DNAH7: variants seen among roughly 807,000 people sequenced by gnomAD.
The protein encoded by DNAH7 is dynein axonemal heavy chain 7, also known as axonemal beta dynein heavy chain 7.
DNAH7 carries 397 observed loss-of-function variants against 444.6 expected under a neutral mutation model. The ratio of observed to expected loss-of-function variants is 0.89; its 90% CI spans 0.82 to 0.97. DNAH7 has a LOEUF of 0.97. Among genes scored for constraint, DNAH7 ranks in the 50% least tolerant of loss-of-function variants. The pLI is 0.00. For missense variants in DNAH7, 4,902 were observed against 4,800.8 expected, an observed-to-expected ratio of 1.02 and a Z score of -0.62; for synonymous variants, 1,636 against 1,624.4, an observed-to-expected ratio of 1.01 and a Z score of -0.17.
intron 10 of DNAH7, among the ~76,000 whole-genome samples, chr2:196,002,990 G>A (rs111558898): frequency 3.3e-5 from 5 of 150,118 alleles, no homozygotes; most frequent in African/African-American, 4.9e-5. Flanking sequence ...CCTGGGTGAC[G>A]AGAGTGAAAC....
At chr2:195,772,227 A>G (rs1356093266) in intron 60 of DNAH7, among the ~76,000 whole-genome samples, 1 of 152,198 alleles carries the variant, frequency 6.6e-6, no homozygotes, top group East Asian at 1.9e-4. Context: ...GCACTGGTGG[A>G]GTGGCCAAGC....
chr2:195,946,186 T>C (rs762084388), intron 19 of DNAH7, among the ~76,000 whole-genome samples: 5 of 152,128 alleles, frequency 3.3e-5, no homozygotes, highest in Non-Finnish European at 5.9e-5. Context: ...GGAAGATGAA[T>C]TGTGCCCTTC....
intron 15 of DNAH7, among the ~76,000 whole-genome samples, chr2:195,977,808 A>C (rs774015352): frequency 1.7e-4 from 26 of 152,212 alleles, no homozygotes; most frequent in Admixed American, 3.3e-4. Flanking sequence ...CTTTTCAGTG[A>C]GAACCTTACC....
At chr2:195,827,825 C>A (rs1488462156) in intron 48 of DNAH7, among the ~76,000 whole-genome samples, 3 of 152,082 alleles carry the variant, frequency 2.0e-5, no homozygotes, top group African/African-American at 4.8e-5. Flanking sequence ...AATCCTCTTA[C>A]CTCAGACTCC....
At chr2:196,057,483 A>G (rs908527188) in intron 2 of DNAH7, among the ~76,000 whole-genome samples, 2 of 150,806 alleles carry the variant, frequency 1.3e-5, no homozygotes, top group Non-Finnish European at 3.0e-5. Flanking sequence ...TTGCAGAACT[A>G]AAAAAAATGC....
chr2:195,750,064 A>G (rs1021964982), intron 63 of DNAH7, among the ~76,000 whole-genome samples: 1 of 152,198 alleles, frequency 6.6e-6, no homozygotes, highest in Non-Finnish European at 1.5e-5. Flanking sequence ...TCAGTAAAAC[A>G]GTTTAATTAG....
intron 30 of DNAH7, 65 bp from the exon 31 acceptor site, chr2:195,891,869 T>C (rs1197268171): frequency 2.3e-5 from 29 of 1,285,634 alleles, no homozygotes; most frequent in East Asian, 1.9e-4. Context: ...GAAAACATTA[T>C]TGCACATACA....
chr2:195,751,896 G>A (rs1221369679), intron 63 of DNAH7, among the ~76,000 whole-genome samples: 1 of 152,170 alleles, frequency 6.6e-6, no homozygotes, highest in Admixed American at 6.6e-5. Flanking sequence ...AAAGTTCTGT[G>A]GCTTCTATAC....
Position 195,794,418 on chromosome 2 carries a change from C to T in DNAH7, c.10636G>A (p.Gly3546Ser), listed in dbSNP as rs1286638987. Residue 3546 changes from glycine (G) to serine (S), a missense_variant, in exon 57 of 65, where the codon GGT becomes AGT. Gly to Ser is a moderately conservative substitution (Grantham distance 56). Transcript: ENST00000312428. ...GATCGAATGATATTAGCCCGTAAACCTTTTGGTGCTTCATTGGTCATTTTC... is the reference window on the plus strand; with the variant it reads ...GATCGAATGATATTAGCCCGTAAACTTTTTGGTGCTTCATTGGTCATTTTC... ...GVKMTNEAPK[G>S]LRANIIRSYL... 6.2e-7 allele frequency: 1 copy of T among 1,614,124 alleles called. No individual in the cohort carries two copies. The highest frequency in any genetic ancestry group is 8.5e-7 in the Non-Finnish European group (1 of 1,180,014).
intron 51 of DNAH7, 68 bp downstream of exon 51, chr2:195,816,560 A>G: frequency 8.6e-7 from 1 of 1,158,650 alleles, no homozygotes; most frequent in Non-Finnish European, 1.2e-6. Flanking sequence ...ACAACAATAG[A>G]GGTCACAAAT....
At chr2:195,981,426 C>T (rs1410214072) in intron 15 of DNAH7, among the ~76,000 whole-genome samples, 1 of 151,152 alleles carries the variant, frequency 6.6e-6, no homozygotes, top group Non-Finnish European at 1.5e-5. Context: ...AAAGCAATGT[C>T]AATGTCAATG....
In DNAH7 at chr2:195,794,205, T is replaced by C. The variant is rs1696026439; in HGVS notation, c.10716+133A>G. The C allele has an allele frequency of 6.9e-6, 5 of 729,536 alleles. No individual in the cohort carries two copies. In the Admixed American group the frequency reaches 1.3e-4, roughly 20 times the overall value. 45.2% of individuals were successfully genotyped at this position (729,536 alleles called of 1,614,324 possible). Reference sequence around the variant, plus strand: ...CTTCAGCACAGTCAATAATCAGTTATCAAAACCTACTGCACTGCGGTGCAG... The same window carrying C: ...CTTCAGCACAGTCAATAATCAGTTACCAAAACCTACTGCACTGCGGTGCAG... On this transcript the variant is annotated intron_variant, in intron 57 of 64. Transcript: ENST00000312428.
At position 195,964,632 on chromosome 2, in the gene DNAH7, C is replaced by T. The variant is rs375013498; in HGVS notation, c.2206-3687G>A. Among the ~76,000 whole-genome samples the T allele has an allele frequency of 7.5e-4, 110 of 146,310 alleles. 3 individuals are homozygous for T. The highest frequency in any genetic ancestry group is 1.7e-3 in the African/African-American group (67 of 39,512). On this transcript the variant is annotated intron_variant, in intron 17 of 64. Transcript: ENST00000312428. ...CTGTAATCCCAGCACTTTGGGAGGC[C>T]GAGGCAGGCGGATCACGAGGTCAGG...
intron 19 of DNAH7, among the ~76,000 whole-genome samples, chr2:195,950,661 A>C (rs1414086973): frequency 6.6e-6 from 1 of 151,934 alleles, no homozygotes; most frequent in Non-Finnish European, 1.5e-5. Context: ...ATCCTGGCTA[A>C]CATGGTGAAA....
At chr2:196,047,544 G>A (rs1224510091) in intron 4 of DNAH7, 45 bp from the exon 5 acceptor site, 19 of 1,463,008 alleles carry the variant, frequency 1.3e-5, no homozygotes, top group Non-Finnish European at 1.7e-5. Context: ...CATCTAAAAG[G>A]TAAGCTAAAG....
At chr2:196,048,880 A>C (rs1361453841) in intron 3 of DNAH7, among the ~76,000 whole-genome samples, 2 of 152,162 alleles carry the variant, frequency 1.3e-5, no homozygotes, top group Non-Finnish European at 2.9e-5. Flanking sequence ...CAGGTGTCAT[A>C]AAAAGGGAGA....
At chr2:195,973,646 A>C (rs1173223543) in intron 15 of DNAH7, among the ~76,000 whole-genome samples, 1 of 151,836 alleles carries the variant, frequency 6.6e-6, no homozygotes. Flanking sequence ...TTTGTTTTGT[A>C]ATTTGAGTAG....
At chr2:195,953,216 G>A (rs1031573507) in intron 19 of DNAH7, among the ~76,000 whole-genome samples, 1 of 152,142 alleles carries the variant, frequency 6.6e-6, no homozygotes, top group Non-Finnish European at 1.5e-5. Context: ...GCTGGAGTGT[G>A]CTGGAGGTCC....
chr2:195,998,876 T>C (rs190792622), intron 12 of DNAH7: 144 of 464,582 alleles, frequency 3.1e-4, no homozygotes, highest in African/African-American at 2.3e-3. Flanking sequence ...TTATAACGTA[T>C]AGCTAAGGAA....
Sources: gnomAD v4.1 joint callset for allele counts (sites outside exome capture counted in the v4.1 genomes callset) on GRCh38, gnomAD v4.1.1 for gene constraint, MANE v1.5 for transcripts, NCBI Gene and HGNC (gene_info 2026-07-23, HGNC 2026-07-21) for gene names.